The following ANK3 variants were observed in gnomAD, a reference collection of about 807,000 sequenced individuals.
ANK3 encodes ankyrin 3.
In ANK3, 57 loss-of-function variants were observed where a neutral mutation model predicts 370.9. That is an observed-to-expected ratio of 0.15 (90% confidence interval 0.12 to 0.19). The LOEUF (loss-of-function observed/expected upper bound fraction) is 0.19. ANK3 is among the 10% of genes least tolerant of loss of function. The pLI is 1.00. For synonymous variants in ANK3, 1,929 were observed against 1,946.3 expected (o/e 0.99, Z 0.23); for missense variants, 4,439 against 5,302.1 (o/e 0.84, Z 5.06).
At chr10:60,220,334 C>T (rs2097025636) in intron 8 of ANK3, among the ~76,000 whole-genome samples, 1 of 151,986 alleles carries the variant, frequency 6.6e-6, no homozygotes, top group African/African-American at 2.4e-5. Flanking sequence ...CTGAATGGAC[C>T]CCTCCTCTCA....
intron 2 of ANK3, among the ~76,000 whole-genome samples, chr10:60,468,323 G>T (rs1381074286): frequency 1.3e-5 from 2 of 152,064 alleles, no homozygotes; most frequent in Non-Finnish European, 2.9e-5. Context: ...CACCATACAT[G>T]CTTGAAGTGT....
At chr10:60,445,901 G>C (rs951920747) in intron 2 of ANK3, among the ~76,000 whole-genome samples, 2 of 152,124 alleles carry the variant, frequency 1.3e-5, no homozygotes, top group Admixed American at 1.3e-4. Flanking sequence ...ATATGAAAAA[G>C]AACATAAAAA....
At chr10:60,370,245 G>A (rs2059927246) in intron 1 of ANK3, among the ~76,000 whole-genome samples, 1 of 151,978 alleles carries the variant, frequency 6.6e-6, no homozygotes, top group Non-Finnish European at 1.5e-5. Flanking sequence ...AGATTTGAAA[G>A]GAAAAACTAT....
At chr10:60,533,815 G>A (rs1409715311) in intron 2 of ANK3, among the ~76,000 whole-genome samples, 1 of 152,024 alleles carries the variant, frequency 6.6e-6, no homozygotes, top group East Asian at 1.9e-4. Context: ...TTATCTAATT[G>A]TAACAAAGAC....
chr10:60,709,606 C>A lies in ANK3; in HGVS notation c.57+23657G>T, dbSNP rs112327019. On this transcript the variant is annotated intron_variant, in intron 1 of 43. Coordinates refer to the ANK3 transcript ENST00000373827. Reference sequence around the variant, plus strand: ...GGTGCAGTCTGAAGCAGGAGGATCCCTTGAGCCCAAGCGTTTGAGACCAGC... The same window carrying A: ...GGTGCAGTCTGAAGCAGGAGGATCCATTGAGCCCAAGCGTTTGAGACCAGC... 4.3e-3 allele frequency among the ~76,000 whole-genome samples: 658 copies of A among 152,072 alleles called. 1 individual carries two copies. The highest frequency in any genetic ancestry group is 0.015 in the African/African-American group (617 of 41,496).
chr10:60,688,614 A>T (rs1478430161), intron 1 of ANK3, among the ~76,000 whole-genome samples: 1 of 152,238 alleles, frequency 6.6e-6, no homozygotes, highest in Non-Finnish European at 1.5e-5. Flanking sequence ...AAGCAAAGCA[A>T]GAGGGATTAA....
intron 1 of ANK3, among the ~76,000 whole-genome samples, chr10:60,670,945 G>A (rs1271483325): frequency 6.6e-6 from 1 of 152,160 alleles, no homozygotes; most frequent in Non-Finnish European, 1.5e-5. Flanking sequence ...AACTGAAGGT[G>A]TAGCAGCCAT....
intron 1 of ANK3, among the ~76,000 whole-genome samples, chr10:60,325,181 A>G (rs941135901): frequency 6.6e-6 from 1 of 152,216 alleles, no homozygotes; most frequent in Admixed American, 6.5e-5. Context: ...AACTGCCCAG[A>G]CAAGACCATC....
intron 9 of ANK3, among the ~76,000 whole-genome samples, chr10:60,210,779 G>T (rs2096841656): frequency 6.6e-6 from 1 of 152,134 alleles, no homozygotes; most frequent in Non-Finnish European, 1.5e-5. Flanking sequence ...ATGAAAAGAG[G>T]ATTTGAGTGT....
At chr10:60,698,160 A>G (rs1389935034) in intron 1 of ANK3, among the ~76,000 whole-genome samples, 2 of 151,968 alleles carry the variant, frequency 1.3e-5, no homozygotes, top group East Asian at 1.9e-4. Context: ...AATGCTCACC[A>G]TCAGTGGCCA....
At chr10:60,553,845 T>C (rs572795963) in intron 2 of ANK3, among the ~76,000 whole-genome samples, 1 of 152,360 alleles carries the variant, frequency 6.6e-6, no homozygotes, top group East Asian at 1.9e-4. Context: ...CAGTGATAAC[T>C]GATTATGGCA....
chr10:60,401,624 T>G (rs768163233), intron 2 of ANK3, among the ~76,000 whole-genome samples: 2 of 152,234 alleles, frequency 1.3e-5, no homozygotes, highest in Non-Finnish European at 2.9e-5. Flanking sequence ...CAATCTACTT[T>G]AAAATGTATT....
intron 2 of ANK3, among the ~76,000 whole-genome samples, chr10:60,564,437 T>C (rs567608478): frequency 2.0e-5 from 3 of 152,246 alleles, no homozygotes; most frequent in Non-Finnish European, 2.9e-5. Flanking sequence ...AATTAAGCAA[T>C]GTCCAAACAC....
At chr10:60,149,361 A>G (rs1352309301) in intron 23 of ANK3, among the ~76,000 whole-genome samples, 2 of 152,186 alleles carry the variant, frequency 1.3e-5, no homozygotes, top group East Asian at 1.9e-4. Flanking sequence ...GGGTGGTTAC[A>G]TTAGGACAAC....
At chr10:60,313,825 G>A (rs1170377941) in intron 1 of ANK3, among the ~76,000 whole-genome samples, 2 of 151,868 alleles carry the variant, frequency 1.3e-5, no homozygotes, top group Non-Finnish European at 2.9e-5. Context: ...TATCTCATCT[G>A]TAACCTTGTC....
intron 2 of ANK3, among the ~76,000 whole-genome samples, chr10:60,580,469 C>A (rs1292554807): frequency 6.6e-6 from 1 of 152,128 alleles, no homozygotes; most frequent in African/African-American, 2.4e-5. Flanking sequence ...CCTTTTCTAA[C>A]CACCTCTATA....
intron 2 of ANK3, among the ~76,000 whole-genome samples, chr10:60,450,356 T>C (rs781551017): frequency 1.3e-5 from 2 of 152,144 alleles, no homozygotes; most frequent in Non-Finnish European, 2.9e-5. Context: ...CCACTTTCCA[T>C]GATGTAAATA....
intron 2 of ANK3, among the ~76,000 whole-genome samples, chr10:60,585,778 C>T (rs2077822462): frequency 6.6e-6 from 1 of 152,160 alleles, no homozygotes; most frequent in Non-Finnish European, 1.5e-5. Flanking sequence ...AATCCCAGCA[C>T]TTTGGGGGGC....
At chr10:60,325,572 C>T (rs1201910828) in intron 1 of ANK3, among the ~76,000 whole-genome samples, 2 of 152,186 alleles carry the variant, frequency 1.3e-5, no homozygotes. Flanking sequence ...GAGCAACACA[C>T]TTTTACTGAT....
Sources: allele counts gnomAD v4.1 joint callset (sites outside exome capture counted in the v4.1 genomes callset), GRCh38; gene constraint gnomAD v4.1.1; transcripts MANE v1.5; gene names NCBI Gene and HGNC (gene_info 2026-07-23, HGNC 2026-07-21).